Variants in PRRC2C observed in about 807,000 individuals in gnomAD.
PRRC2C encodes proline rich coiled-coil 2C.
Under a neutral mutation model 317.2 loss-of-function variants are expected in PRRC2C, and 72 were observed. The observed-to-expected ratio is 0.23, with a 90% CI of 0.19 to 0.28. The LOEUF is 0.28. Among genes scored for constraint, PRRC2C ranks in the 10% least tolerant of loss-of-function variants. The pLI, the probability that PRRC2C is intolerant of heterozygous loss-of-function variation, is 1.00. For missense variants in PRRC2C, 3,074 were observed against 3,459.7 expected (o/e 0.89, Z 2.80); for synonymous variants, 1,296 against 1,205.9 (o/e 1.07, Z -1.55).
At chr1:171,513,903 A>G (rs1490520023) in intron 3 of PRRC2C, among the ~76,000 whole-genome samples, 1 of 152,216 alleles carries the variant, frequency 6.6e-6, no homozygotes, top group Admixed American at 6.5e-5. Flanking sequence ...TTTTATAGTA[A>G]TGAGTCAGTT....
At chr1:171,503,210 G>T (rs1433749247) in intron 1 of PRRC2C, among the ~76,000 whole-genome samples, 1 of 152,146 alleles carries the variant, frequency 6.6e-6, no homozygotes, top group Non-Finnish European at 1.5e-5. Context: ...ATGATAGAGT[G>T]CTCAGTGAAT....
At chr1:171,571,543 A>T (rs1459216425) in intron 24 of PRRC2C, 122 bp downstream of exon 24, 1 of 702,672 alleles carries the variant, frequency 1.4e-6, no homozygotes, top group Non-Finnish European at 2.4e-6. Flanking sequence ...AAGCTGAGGA[A>T]ATAGAGTGCT....
chr1:171,523,332 T>G lies in PRRC2C; in HGVS notation c.945T>G (p.Ala315=), dbSNP rs763523394. Reference sequence around the variant, plus strand: ...TTGATAAATTTGATAACCTAGATGCTGAAGCTGATGAAGGTTGGGCAGGTA... The same window carrying G: ...TTGATAAATTTGATAACCTAGATGCGGAAGCTGATGAAGGTTGGGCAGGTA... ...KELDKFDNLD[A]EADEGWAGAQ... The change falls in exon 8 of 35, where the codon GCT becomes GCG. Residue 315 remains alanine, a synonymous_variant. Coordinates refer to ENST00000647382, the MANE Select transcript of PRRC2C (RefSeq NM_001387844.1). 1.2e-6 allele frequency: 2 copies of G among 1,613,960 alleles called. No homozygotes were observed. Among genetic ancestry groups the G allele is most frequent in the South Asian group, 1.1e-5 (1 of 91,084 alleles).
At chr1:171,512,893 T>G (rs554424387) in intron 2 of PRRC2C, 102 bp from the exon 3 acceptor site, 512 of 1,031,352 alleles carry the variant, frequency 5.0e-4, no homozygotes, top group Admixed American at 1.4e-3. Context: ...ATGAAAATCA[T>G]TCAGGGATTG....
chr1:171,512,240 G>C, intron 2 of PRRC2C, 40 bp downstream of exon 2: 1 of 1,356,822 alleles, frequency 7.4e-7, no homozygotes, highest in Non-Finnish European at 1.0e-6. Flanking sequence ...TTCATGGTTT[G>C]TTTTGTTACT....
intron 1 of PRRC2C, among the ~76,000 whole-genome samples, chr1:171,496,488 C>A (rs188778694): frequency 6.6e-6 from 1 of 152,178 alleles, no homozygotes; most frequent in Non-Finnish European, 1.5e-5. Flanking sequence ...CAGATGTGAG[C>A]CACTGCGCCT....
chr1:171,524,879 G>T lies in PRRC2C; in HGVS notation c.1114G>T (p.Val372Phe). The T allele has an allele frequency of 6.2e-7, 1 of 1,606,470 alleles. No homozygotes were observed. The highest frequency in any genetic ancestry group is 8.5e-7 in the Non-Finnish European group (1 of 1,176,030). The part of the protein sequence containing the change: ...NNENKKETDE[V>F]SNTKSSSQIP... ...CGAAAACAAAAAAGAAACAGATGAA[G>T]TTTCCAACACTAAATCATCTTCCCA... is the stretch of plus-strand genomic sequence containing the variant. The change falls in exon 10 of 35, where the codon GTT (valine) becomes TTT (phenylalanine). Residue 372 changes from valine to phenylalanine, a missense_variant. By Grantham distance (50) the Val-to-Phe change is conservative. This residue lies in a region of PRRC2C where 1,320 missense variants were observed against 1,395.7 expected (regional missense o/e 0.95). Coordinates refer to ENST00000647382, the MANE Select transcript of PRRC2C (RefSeq NM_001387844.1).
intron 1 of PRRC2C, among the ~76,000 whole-genome samples, chr1:171,489,316 T>G (rs1050139179): frequency 4.6e-5 from 7 of 152,208 alleles, no homozygotes; most frequent in Non-Finnish European, 7.4e-5. Context: ...TTAAAATTTT[T>G]AGCTTATTCA....
At chr1:171,516,127 T>C (rs2421842) in intron 5 of PRRC2C, among the ~76,000 whole-genome samples, 1 of 152,230 alleles carries the variant, frequency 6.6e-6, no homozygotes, top group African/African-American at 2.4e-5. Flanking sequence ...GACTTTCATG[T>C]ATACCAATAT....
intron 1 of PRRC2C, among the ~76,000 whole-genome samples, chr1:171,506,230 G>A (rs757340432): frequency 1.2e-4 from 18 of 152,182 alleles, no homozygotes; most frequent in Non-Finnish European, 2.1e-4. Context: ...ATGTTTTGCT[G>A]CATGTAGAAT....
intron 18 of PRRC2C, among the ~76,000 whole-genome samples, chr1:171,555,142 T>A (rs1050162152): frequency 6.6e-6 from 1 of 152,236 alleles, no homozygotes; most frequent in Non-Finnish European, 1.5e-5. Context: ...CCCATATTTC[T>A]TGGAGGCTTT....
At chr1:171,507,773 T>A (rs903365065) in intron 1 of PRRC2C, among the ~76,000 whole-genome samples, 1 of 152,210 alleles carries the variant, frequency 6.6e-6, no homozygotes. Context: ...ACAATATTAA[T>A]TCTTCCAATC....
rs527862519 is a variant in PRRC2C at position 171,566,262 on chromosome 1, C to A, written c.6147C>A (p.Leu2049=). 8 of 1,611,090 alleles carry A rather than the reference C, an allele frequency of 5.0e-6. No homozygotes were observed. Among genetic ancestry groups the A allele is most frequent in the East Asian group, 2.2e-5 (1 of 44,822 alleles). The stretch of plus-strand genomic sequence containing the variant: ...CGAAGAATGGTCAAGAAAGTGGACT[C>A]GAAATTGGAACTGACACAATTCAGT... ...EGAKNGQESG[L]EIGTDTIQFG... is the part of the protein sequence containing the mutation. Residue 2049 remains leucine (L), a synonymous_variant, in exon 21 of 35, where the codon CTC becomes CTA. Coordinates refer to ENST00000647382, the MANE Select transcript of PRRC2C (RefSeq NM_001387844.1).
At chr1:171,492,035 A>T (rs1667247661) in intron 1 of PRRC2C, among the ~76,000 whole-genome samples, 1 of 148,420 alleles carries the variant, frequency 6.7e-6, no homozygotes, top group African/African-American at 2.4e-5. Context: ...TTTTATTTTG[A>T]AAACAGAGGA....
chr1:171,586,740 G>A (rs235500), intron 30 of PRRC2C, among the ~76,000 whole-genome samples: 120,647 of 150,874 alleles, frequency 0.8, 48,367 homozygotes, highest in Middle Eastern at 0.89. Flanking sequence ...GCCACCACAT[G>A]CAGCTAATTT....
chr1:171,538,551 T>A lies in PRRC2C; in HGVS notation c.2504+1078T>A, dbSNP rs114408324. ...ATATTTTTTTGGTAATGTTTTATAA[T>A]GTTTTATAATTATTTGTAATTAACT... is the stretch of plus-strand genomic sequence containing the variant. On this transcript the variant is annotated intron_variant, in intron 15 of 34. Coordinates refer to ENST00000647382, the MANE Select transcript of PRRC2C (RefSeq NM_001387844.1). Among the ~76,000 whole-genome samples the A allele has an allele frequency of 3.9e-3, 588 of 152,298 alleles. 3 individuals are homozygous for A. Among genetic ancestry groups the A allele is most frequent in the African/African-American group, 0.013 (537 of 41,560 alleles).
At position 171,526,805 on chromosome 1, in the gene PRRC2C, C is replaced by CTTTTTTTTTTTT. The variant is rs938229816; in HGVS notation, c.1201-976_1201-965dup. On this transcript the variant is annotated intron_variant, in intron 10 of 34. Transcript: ENST00000647382. ...AAAATCATTACATTCAGAAATATAT[C>CTTTTTTTTTTTT]TTTTTTTTTTTTTTTTTTTTTGAGA... 5.4e-3 allele frequency among the ~76,000 whole-genome samples: 490 copies of CTTTTTTTTTTTT among 90,182 alleles called. 95 individuals carry two copies. The highest frequency in any genetic ancestry group is 0.019 in the African/African-American group (418 of 21,550). The allele number at this position is 90,182 out of a possible 152,430, so 59.2% of individuals were successfully genotyped here. A position where few individuals can be genotyped will look rare whatever the true frequency, so the allele number is the denominator to read the frequency against.
Position 171,588,362 on chromosome 1 carries a change from A to G in PRRC2C, c.8073-17A>G, listed in dbSNP as rs1188691270. 10 of 1,612,732 alleles carry G rather than the reference A, an allele frequency of 6.2e-6. No homozygotes were observed. The highest frequency in any genetic ancestry group is 8.5e-6 in the Non-Finnish European group (10 of 1,179,104). ...ACTTGGTATTACTATACTGACTAGTAATGGCTTCTTTCCAAGGGCTACTTC... is the reference window on the plus strand; with the variant it reads ...ACTTGGTATTACTATACTGACTAGTGATGGCTTCTTTCCAAGGGCTACTTC... On this transcript the variant is annotated splice_polypyrimidine_tract_variant and intron_variant, in intron 32 of 34. Coordinates refer to ENST00000647382, the MANE Select transcript of PRRC2C (RefSeq NM_001387844.1).
At chr1:171,505,287 C>A (rs1216219612) in intron 1 of PRRC2C, among the ~76,000 whole-genome samples, 1 of 152,164 alleles carries the variant, frequency 6.6e-6, no homozygotes, top group Non-Finnish European at 1.5e-5. Context: ...CTCGGCCTCC[C>A]AAAGTGCTGG....
Sources: gnomAD v4.1 joint callset for allele counts (sites outside exome capture counted in the v4.1 genomes callset) on GRCh38, gnomAD v4.1.1 for gene constraint, gnomAD v4.1.1 regional missense constraint, MANE v1.5 for transcripts, NCBI Gene and HGNC (gene_info 2026-07-23, HGNC 2026-07-21) for gene names.